The following PPM1E variants were observed in gnomAD, a reference collection of about 807,000 sequenced individuals.
PPM1E encodes protein phosphatase, Mg2+/Mn2+ dependent 1E, also known as protein phosphatase 1E.
In PPM1E, 20 loss-of-function variants were observed where a neutral mutation model predicts 65.9. The observed-to-expected ratio is 0.30, with a 90% confidence interval of 0.21 to 0.44. PPM1E has a LOEUF of 0.44. PPM1E is among the 20% of genes least tolerant of loss of function. PPM1E has a pLI of 1.00. For missense variants in PPM1E, 713 were observed against 953.1 expected, an observed-to-expected ratio of 0.75 and a Z score of 3.32; for synonymous variants, 352 against 374.9, an observed-to-expected ratio of 0.94 and a Z score of 0.70.
intron 1 of PPM1E, among the ~76,000 whole-genome samples, chr17:58,762,620 G>T (rs548354324): frequency 6.6e-6 from 1 of 152,188 alleles, no homozygotes; most frequent in South Asian, 2.1e-4. Flanking sequence ...GTTTTGGGCC[G>T]GGCGCGGTGG....
At chr17:58,899,378 G>T in intron 1 of PPM1E, 1 of 163,122 alleles carries the variant, frequency 6.1e-6, no homozygotes, top group East Asian at 1.5e-4. Flanking sequence ...AGGCGCTGAA[G>T]ACCTCCCTCA....
chr17:58,959,293 G>A (rs968243082), intron 2 of PPM1E, among the ~76,000 whole-genome samples: 1 of 115,852 alleles, frequency 8.6e-6, no homozygotes, highest in African/African-American at 3.3e-5. Context: ...TGGGCAACAA[G>A]AGTGAGACTC....
chr17:58,914,792 A>G (rs1180644456), intron 1 of PPM1E, among the ~76,000 whole-genome samples: 2 of 152,138 alleles, frequency 1.3e-5, no homozygotes, highest in Non-Finnish European at 2.9e-5. Flanking sequence ...CCACTTTACA[A>G]TTTTCCATAG....
chr17:58,900,478 TATTTTTA>T (rs1041353010), intron 1 of PPM1E, among the ~76,000 whole-genome samples: 3 of 152,236 alleles, frequency 2.0e-5, no homozygotes, highest in African/African-American at 7.2e-5. Context: ...AGCCATAAAG[TATTTTTA>T]AATTAAGTTA....
chr17:58,792,571 A>G (rs1421830133), intron 1 of PPM1E, among the ~76,000 whole-genome samples: 1 of 151,132 alleles, frequency 6.6e-6, no homozygotes, highest in Non-Finnish European at 1.5e-5. Context: ...TGAACTTCTG[A>G]GCTCAAGTGA....
intron 3 of PPM1E, chr17:58,966,172 G>T: frequency 2.2e-6 from 1 of 452,328 alleles, no homozygotes; most frequent in East Asian, 4.8e-5. Flanking sequence ...AGGCAAGGTA[G>T]TCTTTTGTGT....
intron 1 of PPM1E, among the ~76,000 whole-genome samples, chr17:58,947,381 C>T (rs561238100): frequency 1.3e-5 from 2 of 151,470 alleles, no homozygotes; most frequent in East Asian, 2.0e-4. Context: ...GGATTATAGG[C>T]GTGCACCACC....
chr17:58,855,380 T>C (rs929331392), intron 1 of PPM1E, among the ~76,000 whole-genome samples: 1 of 152,116 alleles, frequency 6.6e-6, no homozygotes, highest in African/African-American at 2.4e-5. Flanking sequence ...AGAAGCAACA[T>C]GAAGTTCACA....
rs190511317 is a variant in PPM1E at position 58,783,882 on chromosome 17, T to C, written c.464+27421T>C. Among the ~76,000 whole-genome samples the C allele has an allele frequency of 2.4e-3, 357 of 150,330 alleles. 3 individuals carry two copies. Among genetic ancestry groups the C allele is most frequent in the African/African-American group, 8.4e-3 (344 of 40,834 alleles). On this transcript the variant is annotated intron_variant, in intron 1 of 6. Coordinates refer to ENST00000308249, the MANE Select transcript of PPM1E (RefSeq NM_014906.5). ...ACCACCACGCCCAGCTACTTTTTTC[T>C]GTATTTTTAGTAGAGACAGGGTTTC...
At chr17:58,829,363 G>A (rs2143170597) in intron 1 of PPM1E, among the ~76,000 whole-genome samples, 1 of 152,150 alleles carries the variant, frequency 6.6e-6, no homozygotes, top group South Asian at 2.1e-4. Context: ...TTTCTTTATT[G>A]TATAACCTTT....
intron 1 of PPM1E, among the ~76,000 whole-genome samples, chr17:58,775,899 C>T (rs1019038694): frequency 1.9e-5 from 2 of 106,824 alleles, no homozygotes; most frequent in African/African-American, 3.7e-5. Context: ...CCGGCCTGGG[C>T]GACAGAGCGA....
At chr17:58,971,586 T>C (rs1001686267) in intron 4 of PPM1E, among the ~76,000 whole-genome samples, 1 of 152,200 alleles carries the variant, frequency 6.6e-6, no homozygotes, top group Non-Finnish European at 1.5e-5. Flanking sequence ...ATCTTAGTAC[T>C]CCAGGGAACG....
intron 3 of PPM1E, among the ~76,000 whole-genome samples, chr17:58,967,131 T>C (rs968037152): frequency 1.3e-5 from 2 of 152,316 alleles, no homozygotes; most frequent in African/African-American, 4.8e-5. Context: ...AACCTTGCTA[T>C]AGTGAAATAG....
intron 2 of PPM1E, among the ~76,000 whole-genome samples, chr17:58,964,249 AT>A (rs907363468): frequency 0.011 from 1,638 of 146,336 alleles, 28 homozygotes; most frequent in African/African-American, 0.039. Context: ...ATTTAAGTTC[AT>A]TTTTTTTTTT....
intron 1 of PPM1E, among the ~76,000 whole-genome samples, chr17:58,832,056 T>G (rs1021082863): frequency 6.6e-6 from 1 of 152,234 alleles, no homozygotes; most frequent in Non-Finnish European, 1.5e-5. Context: ...TCTGTAGGAC[T>G]ATTGATCCTA....
intron 6 of PPM1E, among the ~76,000 whole-genome samples, chr17:58,977,440 C>CAAAAAAAA: frequency 1.6e-5 from 1 of 62,104 alleles, no homozygotes; most frequent in Non-Finnish European, 3.4e-5. Context: ...GACTCTGTCT[C>CAAAAAAAA]AAAAAAAAAA....
intron 1 of PPM1E, among the ~76,000 whole-genome samples, chr17:58,813,302 A>G (rs1390006): frequency 0.33 from 50,506 of 151,998 alleles, 8,912 homozygotes; most frequent in East Asian, 0.49. Flanking sequence ...CCTCTTTCTT[A>G]TGAAAACCTC....
At chr17:58,867,531 A>G (rs965807302) in intron 1 of PPM1E, among the ~76,000 whole-genome samples, 8 of 152,156 alleles carry the variant, frequency 5.3e-5, no homozygotes, top group African/African-American at 1.9e-4. Flanking sequence ...GTATTGCTTA[A>G]GGTTTGGGAC....
At chr17:58,973,644 A>AAAAAAAC (rs2030794931) in intron 6 of PPM1E, among the ~76,000 whole-genome samples, 1 of 151,346 alleles carries the variant, frequency 6.6e-6, no homozygotes, top group South Asian at 2.1e-4. Flanking sequence ...TTCATCTCTT[A>AAAAAAAC]AAAAAACAAA....
Sources: gnomAD v4.1 joint callset for allele counts (sites outside exome capture counted in the v4.1 genomes callset) on GRCh38, gnomAD v4.1.1 for gene constraint, MANE v1.5 for transcripts, NCBI Gene and HGNC (gene_info 2026-07-23, HGNC 2026-07-21) for gene names.